Variants in RAD54L2 observed in about 807,000 individuals in gnomAD.
The protein encoded by RAD54L2 is RAD54 like 2.
In RAD54L2, 27 loss-of-function variants were observed where a neutral mutation model predicts 138.4. The observed-to-expected ratio is 0.20, with a 90% CI of 0.14 to 0.27. The LOEUF (loss-of-function observed/expected upper bound fraction) is 0.27. Ranked by LOEUF, RAD54L2 falls within the 10% of genes least tolerant of loss-of-function variation. The probability of loss-of-function intolerance (pLI) is 1.00; values close to 1 mark genes in which losing one functional copy is unlikely to be tolerated. For missense variants in RAD54L2, 1,396 were observed against 1,890.2 expected (o/e 0.74, Z 4.85); for synonymous variants, 644 against 723.2 (o/e 0.89, Z 1.76).
chr3:51,581,991 A>G (rs1041018891), intron 2 of RAD54L2, among the ~76,000 whole-genome samples: 12 of 150,582 alleles, frequency 8.0e-5, no homozygotes, highest in Non-Finnish European at 5.9e-5. Context: ...TGGTATGATC[A>G]TGACCCACTG....
intron 3 of RAD54L2, among the ~76,000 whole-genome samples, chr3:51,615,807 A>G (rs545220925): frequency 1.3e-5 from 2 of 152,254 alleles, no homozygotes; most frequent in African/African-American, 2.4e-5. Flanking sequence ...CAAAACAATC[A>G]AGTTTTGGTT....
intron 3 of RAD54L2, among the ~76,000 whole-genome samples, chr3:51,620,611 C>G (rs1325843287): frequency 1.3e-5 from 2 of 151,954 alleles, no homozygotes; most frequent in East Asian, 3.9e-4. Context: ...ATTTTTCTTT[C>G]AAAGCTACTC....
chr3:51,668,642 A>G lies in RAD54L2; in HGVS notation c.*5222A>G, dbSNP rs529746646. On this transcript the variant is annotated 3_prime_UTR_variant, in exon 23 of 23. Transcript: ENST00000684192. ...AGTTTTCTTTATTTCTCTTTTTGTA[A>G]AATAAAATTTAAACTCAAGAAGGCA... 6.6e-6 allele frequency: 1 copy of G among 152,322 alleles called. No homozygotes were observed. Among genetic ancestry groups the G allele is most frequent in the Non-Finnish European group, 1.5e-5 (1 of 68,034 alleles). 9.4% of individuals were successfully genotyped at this position (152,322 alleles called of 1,614,324 possible). A position where few individuals can be genotyped will look rare whatever the true frequency, so the allele number is the denominator to read the frequency against.
intron 2 of RAD54L2, among the ~76,000 whole-genome samples, chr3:51,574,323 T>C (rs1699412552): frequency 6.6e-6 from 1 of 152,152 alleles, no homozygotes; most frequent in Non-Finnish European, 1.5e-5. Context: ...CATGTGTCTT[T>C]ATAGAAGCAT....
chr3:51,582,206 C>A (rs981145079), intron 2 of RAD54L2, among the ~76,000 whole-genome samples: 3 of 152,050 alleles, frequency 2.0e-5, no homozygotes, highest in Non-Finnish European at 4.4e-5. Context: ...CTGTGCCTGG[C>A]CAGTAATCAC....
intron 2 of RAD54L2, among the ~76,000 whole-genome samples, chr3:51,553,578 G>A (rs1698896266): frequency 6.6e-6 from 1 of 152,154 alleles, no homozygotes; most frequent in South Asian, 2.1e-4. Context: ...CGTAATTCCA[G>A]TACTTTGGGA....
At chr3:51,618,393 G>A (rs1291531464) in intron 3 of RAD54L2, among the ~76,000 whole-genome samples, 1 of 151,858 alleles carries the variant, frequency 6.6e-6, no homozygotes, top group African/African-American at 2.4e-5. Flanking sequence ...TGAGCTTTTT[G>A]TGTCCTGCTT....
Position 51,630,387 on chromosome 3 carries a change from T to C in RAD54L2, c.597T>C (p.Asp199=). 6.2e-7 allele frequency: 1 copy of C among 1,612,664 alleles called. No individual in the cohort carries two copies. Among genetic ancestry groups the C allele is most frequent in the South Asian group, 1.1e-5 (1 of 91,044 alleles). The change falls in exon 6 of 23, where the codon GAT becomes GAC. Residue 199 remains aspartate, a splice_region_variant and synonymous_variant. Transcript: ENST00000684192. The part of the protein sequence containing the change: ...SGSEDEKSSR[D]EVIELSSGEE... ...GTGAGGATGAAAAAAGCAGTCGAGA[T>C]GGTAAGATCAAACCAGGTGCCTCCC...
rs763188671 is a variant in RAD54L2 at position 51,637,454 on chromosome 3, C to T, written c.1633C>T (p.Arg545Trp). 3 of 1,613,708 alleles carry T rather than the reference C, an allele frequency of 1.9e-6. No individual in the cohort carries two copies. The highest frequency in any genetic ancestry group is 2.5e-6 in the Non-Finnish European group (3 of 1,179,774). The stretch of plus-strand genomic sequence containing the variant: ...CACACCTCAGGACGTCCGCCTCATG[C>T]GGTACCGGAGCCATGTCCTGCACAG... ...DSTPQDVRLM[R>W]YRSHVLHSLL... The change falls in exon 11 of 23, where the codon CGG becomes TGG. Residue 545 changes from arginine (R) to tryptophan (W), a missense_variant. By Grantham distance (101) the Arg-to-Trp change is moderately radical. Coordinates refer to ENST00000684192, the MANE Select transcript of RAD54L2 (RefSeq NM_015106.4). The surrounding 1 kb of genome is among the most constrained non-coding windows in gnomAD (Gnocchi z 5.9).
rs1014836588 is a variant in RAD54L2, at chr3:51,630,990, G to T, written c.825+59G>T. ...TTTTTGTTTCCTTGTTGTGAACATT[G>T]CCTGCTGGTGGTTATTAGCGTCACA... On this transcript the variant is annotated intron_variant, in intron 7 of 22. Transcript: ENST00000684192. The T allele has an allele frequency of 2.7e-6, 4 of 1,493,498 alleles. No individual in the cohort carries two copies. The African/African-American group carries it at 5.5e-5, about 21-fold the overall frequency. The allele number at this position is 1,493,498 out of a possible 1,614,324, so 92.5% of individuals were successfully genotyped here. A position where few individuals can be genotyped will look rare whatever the true frequency, so the allele number is the denominator to read the frequency against.
At chr3:51,601,604 G>C (rs760651427) in intron 3 of RAD54L2, among the ~76,000 whole-genome samples, 2 of 150,656 alleles carry the variant, frequency 1.3e-5, no homozygotes, top group Non-Finnish European at 3.0e-5. Context: ...CCGCGCCCGG[G>C]CTAATTTTTT....
intron 2 of RAD54L2, among the ~76,000 whole-genome samples, chr3:51,582,920 C>T (rs1487183408): frequency 2.0e-5 from 3 of 152,202 alleles, no homozygotes; most frequent in East Asian, 1.9e-4. Flanking sequence ...CGCCCGCCAC[C>T]GCGCCCGGCT....
intron 3 of RAD54L2, among the ~76,000 whole-genome samples, chr3:51,613,746 TAG>T (rs1441886483): frequency 7.0e-6 from 1 of 142,020 alleles, no homozygotes; most frequent in Non-Finnish European, 1.5e-5. Context: ...GCCTGGGCGA[TAG>T]AGTGAGACTC....
At chr3:51,633,463 CT>C (rs1271221553) in intron 7 of RAD54L2, 113 bp from the exon 8 acceptor site, 3 of 1,011,140 alleles carry the variant, frequency 3.0e-6, no homozygotes, top group African/African-American at 3.2e-5. Context: ...TCCACACCTG[CT>C]ATCTATTATA....
At chr3:51,568,887 C>A (rs1408747967) in intron 2 of RAD54L2, among the ~76,000 whole-genome samples, 6 of 152,070 alleles carry the variant, frequency 3.9e-5, no homozygotes, top group Non-Finnish European at 7.4e-5. Flanking sequence ...AAATTGTCAA[C>A]CTTAAATAAT....
At chr3:51,567,842 TAAGG>T (rs1237531935) in intron 2 of RAD54L2, among the ~76,000 whole-genome samples, 4 of 148,702 alleles carry the variant, frequency 2.7e-5, no homozygotes, top group Non-Finnish European at 5.9e-5. Context: ...AGTACAGGAA[TAAGG>T]CAGGAGAATC....
intron 15 of RAD54L2, among the ~76,000 whole-genome samples, chr3:51,642,601 A>G (rs1169258213): frequency 6.6e-6 from 1 of 152,156 alleles, no homozygotes; most frequent in African/African-American, 2.4e-5. Context: ...ATTTAGTAGC[A>G]TGCTTGGTTT....
chr3:51,626,304 C>A (rs1476076889), intron 3 of RAD54L2, among the ~76,000 whole-genome samples: 1 of 151,860 alleles, frequency 6.6e-6, no homozygotes, highest in African/African-American at 2.4e-5. Context: ...ACTCTCAAAG[C>A]CTGCCTACCC....
At chr3:51,639,727 A>G in intron 13 of RAD54L2, 57 bp downstream of exon 13, 1 of 1,595,298 alleles carries the variant, frequency 6.3e-7, no homozygotes, top group Admixed American at 1.7e-5. Flanking sequence ...GGATGGTGCA[A>G]GCCCTGCCTG....
Sources: gnomAD v4.1 joint callset for allele counts (sites outside exome capture counted in the v4.1 genomes callset) on GRCh38, gnomAD v4.1.1 for gene constraint, Gnocchi (gnomAD v3.1) non-coding constraint, MANE v1.5 for transcripts, NCBI Gene and HGNC (gene_info 2026-07-23, HGNC 2026-07-21) for gene names.